The following TMEM266 variants were observed in gnomAD, a reference collection of about 807,000 sequenced individuals.
TMEM266 encodes transmembrane protein 266, also known as Hv1 related protein 1.
TMEM266 carries 33 observed loss-of-function variants against 50.5 expected under a neutral mutation model. The ratio of observed to expected loss-of-function variants is 0.65; its 90% confidence interval spans 0.50 to 0.87. The LOEUF (loss-of-function observed/expected upper bound fraction) is 0.87. Ranked by LOEUF, TMEM266 falls within the 40% of genes least tolerant of loss-of-function variation. The pLI, the probability that TMEM266 is intolerant of heterozygous loss-of-function variation, is 0.00. For missense variants in TMEM266, 655 were observed against 695.1 expected, an observed-to-expected ratio of 0.94 and a Z score of 0.65; for synonymous variants, 310 against 292.3, an observed-to-expected ratio of 1.06 and a Z score of -0.62.
intron 1 of TMEM266, among the ~76,000 whole-genome samples, chr15:76,123,608 G>C (rs1280296809): frequency 6.6e-6 from 1 of 152,142 alleles, no homozygotes; most frequent in Non-Finnish European, 1.5e-5. Flanking sequence ...ACCTGGTCTA[G>C]CATACAATTA....
intron 1 of TMEM266, among the ~76,000 whole-genome samples, chr15:76,096,217 G>GAT (rs2036918616): frequency 6.6e-6 from 1 of 151,990 alleles, no homozygotes; most frequent in Admixed American, 6.5e-5. Context: ...GTTGATTTTA[G>GAT]ATATTCCCTG....
At chr15:76,173,459 C>G (rs2038218456) in intron 7 of TMEM266, among the ~76,000 whole-genome samples, 1 of 152,128 alleles carries the variant, frequency 6.6e-6, no homozygotes, top group South Asian at 2.1e-4. Flanking sequence ...ACTCTGAACC[C>G]ACAGAACCAC....
chr15:76,067,632 CAAAA>C (rs1161784184), intron 1 of TMEM266, among the ~76,000 whole-genome samples: 1 of 67,470 alleles, frequency 1.5e-5, no homozygotes, highest in South Asian at 6.1e-4. Flanking sequence ...GGCTGCGTCT[CAAAA>C]AAAAAAAAAA....
chr15:76,166,122 G>A (rs905770613), intron 5 of TMEM266, among the ~76,000 whole-genome samples: 4 of 152,082 alleles, frequency 2.6e-5, no homozygotes, highest in African/African-American at 9.7e-5. Flanking sequence ...GCGTGTTTTC[G>A]GAGGTGTTAA....
At chr15:76,141,509 G>A (rs1231880884) in intron 3 of TMEM266, among the ~76,000 whole-genome samples, 2 of 152,140 alleles carry the variant, frequency 1.3e-5, no homozygotes, top group Non-Finnish European at 2.9e-5. Context: ...AAAGTGTTGG[G>A]ATTACAGGCG....
intron 1 of TMEM266, among the ~76,000 whole-genome samples, chr15:76,072,796 C>T (rs1042309293): frequency 1.3e-5 from 2 of 151,752 alleles, no homozygotes; most frequent in African/African-American, 4.8e-5. Context: ...CACCACCATG[C>T]CCAGCTAATT....
intron 1 of TMEM266, among the ~76,000 whole-genome samples, chr15:76,086,931 G>GGGT (rs1555445653): frequency 0.021 from 2,049 of 99,014 alleles, 63 homozygotes; most frequent in African/African-American, 0.07. Flanking sequence ...AGCAGGTCGG[G>GGGT]GGGGGGGCGG....
chr15:76,156,888 C>A, intron 4 of TMEM266, 130 bp downstream of exon 4: 3 of 947,310 alleles, frequency 3.2e-6, no homozygotes, highest in Non-Finnish European at 4.8e-6. Context: ...CAGCCTCAGG[C>A]CCTGGGGCTC....
At chr15:76,123,746 G>A (rs373440770) in intron 1 of TMEM266, among the ~76,000 whole-genome samples, 2 of 150,874 alleles carry the variant, frequency 1.3e-5, no homozygotes, top group African/African-American at 2.5e-5. Flanking sequence ...TTGCTCTGTC[G>A]CCCAGGCTGG....
intron 1 of TMEM266, among the ~76,000 whole-genome samples, chr15:76,076,978 T>G (rs113792912): frequency 0.037 from 5,562 of 151,912 alleles, 181 homozygotes; most frequent in African/African-American, 0.072. Context: ...TGTTGTTGTT[T>G]TTTTGAGACA....
chr15:76,202,371 G>A (rs1186839937), intron 10 of TMEM266, 107 bp downstream of exon 10: 8 of 968,242 alleles, frequency 8.3e-6, no homozygotes, highest in Admixed American at 4.8e-5. Context: ...TGGTGCCTGT[G>A]AACCATAACT....
At chr15:76,200,388 TAC>T (rs1249420800) in intron 9 of TMEM266, among the ~76,000 whole-genome samples, 2 of 152,118 alleles carry the variant, frequency 1.3e-5, no homozygotes, top group African/African-American at 4.8e-5. Context: ...GCCATCGGGG[TAC>T]AGATGAAGAA....
chr15:76,112,950 A>T (rs2037194107), intron 1 of TMEM266: 1 of 152,208 alleles, frequency 6.6e-6, no homozygotes, highest in Admixed American at 6.5e-5. Context: ...CCTCAAGTGG[A>T]AGCAGTGACA....
chr15:76,066,758 G>A (rs2036430034), intron 1 of TMEM266, among the ~76,000 whole-genome samples: 1 of 152,096 alleles, frequency 6.6e-6, no homozygotes, highest in African/African-American at 2.4e-5. Flanking sequence ...GAGTGCCAGA[G>A]CTGTGCTGCC....
At chr15:76,159,047 A>G (rs1237242271) in intron 4 of TMEM266, among the ~76,000 whole-genome samples, 1 of 152,198 alleles carries the variant, frequency 6.6e-6, no homozygotes, top group Non-Finnish European at 1.5e-5. Context: ...CAGTGTGCCA[A>G]GCAGGCCTGG....
Position 76,129,359 on chromosome 15 carries a change from A to C in TMEM266, c.-96-4809A>C, listed in dbSNP as rs563993484. On this transcript the variant is annotated intron_variant, in intron 1 of 10. Transcript: ENST00000388942. ...GAAACATGTTAGAAAACTGCTAAGGAGGCCAGGTGCATTGGCTCACACCTG... is the reference window on the plus strand; with the variant it reads ...GAAACATGTTAGAAAACTGCTAAGGCGGCCAGGTGCATTGGCTCACACCTG... Among the ~76,000 whole-genome samples the C allele has an allele frequency of 4.4e-3, 663 of 152,298 alleles. 9 individuals are homozygous for C. Among genetic ancestry groups the C allele is most frequent in the African/African-American group, 0.015 (636 of 41,564 alleles).
Position 76,203,864 on chromosome 15 carries a change from C to G in TMEM266, c.1145C>G (p.Thr382Ser). Residue 382 changes from threonine (T) to serine (S), a missense_variant, in exon 11 of 11, where the codon ACC becomes AGC. Thr to Ser is a moderately conservative substitution (Grantham distance 58). Coordinates refer to ENST00000388942, the MANE Select transcript of TMEM266 (RefSeq NM_152335.3). ...CCCCTCAAACTCGGCGGTAATGGCA[C>G]CAGCGCCACCTCGGAGAGTGCCTCC... The G allele has an allele frequency of 2.5e-6, 4 of 1,614,214 alleles. No homozygotes were observed. The highest frequency in any genetic ancestry group is 3.4e-6 in the Non-Finnish European group (4 of 1,180,034).
At chr15:76,159,724 C>T (rs2142050080) in intron 4 of TMEM266, among the ~76,000 whole-genome samples, 1 of 152,260 alleles carries the variant, frequency 6.6e-6, no homozygotes, top group East Asian at 1.9e-4. Flanking sequence ...CTGAAGCTGC[C>T]TACACAGCCC....
intron 9 of TMEM266, among the ~76,000 whole-genome samples, chr15:76,198,119 C>CTT (rs2038682434): frequency 6.6e-6 from 1 of 152,124 alleles, no homozygotes. Flanking sequence ...CTCAGGGACT[C>CTT]TTTCCAGTTC....
Sources: gnomAD v4.1 joint callset for allele counts (sites outside exome capture counted in the v4.1 genomes callset) on GRCh38, gnomAD v4.1.1 for gene constraint, MANE v1.5 for transcripts, NCBI Gene and HGNC (gene_info 2026-07-23, HGNC 2026-07-21) for gene names.